The following PPIL3 variants were observed in gnomAD, a reference collection of about 807,000 sequenced individuals.
PPIL3 encodes the protein peptidyl-prolyl cis-trans isomerase-like 3.
A neutral mutation model predicts 20.9 loss-of-function variants in PPIL3; 13 were observed. That is an observed-to-expected ratio of 0.62 (90% confidence interval 0.40 to 0.99). PPIL3 has a LOEUF of 0.99. Ranked by LOEUF, PPIL3 falls within the 50% of genes least tolerant of loss-of-function variation. The pLI, the probability that PPIL3 is intolerant of heterozygous loss-of-function variation, is 0.00. For synonymous variants in PPIL3, 71 were observed against 64.4 expected, an observed-to-expected ratio of 1.10 and a Z score of -0.49; for missense variants, 170 against 195.2, an observed-to-expected ratio of 0.87 and a Z score of 0.77.
rs1368005762 is a variant in PPIL3 at position 200,871,484 on chromosome 2, T to C, written c.397A>G (p.Lys133Glu). 6.2e-7 allele frequency: 1 copy of C among 1,612,612 alleles called. No homozygotes were observed. The highest frequency in any genetic ancestry group is 1.7e-5 in the Admixed American group (1 of 59,974). ...TATGTCTTCTCATTTACTGGCAACT[T>C]CTCCAACTCATCTAGAGTTTCCAGA... ...DGLETLDELE[K>E]LPVNEKTYRP... The change falls in exon 7 of 7, where the codon AAG becomes GAG. Residue 133 changes from lysine to glutamate, a missense_variant. By Grantham distance (56) the Lys-to-Glu change is moderately conservative. Transcript: ENST00000392283.
intron 1 of PPIL3, chr2:200,888,355 T>TA (rs2040048233): frequency 6.6e-6 from 1 of 152,530 alleles, no homozygotes; most frequent in Non-Finnish European, 1.5e-5. Context: ...AGAACTGCTT[T>TA]AGCCCTTCAG....
Position 200,876,742 on chromosome 2 carries a change from C to T in PPIL3, c.359+177G>A, listed in dbSNP as rs534060708. On this transcript the variant is annotated intron_variant, in intron 6 of 6. Coordinates refer to ENST00000392283, the MANE Select transcript of PPIL3 (RefSeq NM_130906.3). ...TCTGCCACATTGGCCAGGCTGGTCT[C>T]GAACTCCTGACCTCAGACAATCTGC... Among the ~76,000 whole-genome samples the T allele has an allele frequency of 2.3e-4, 35 of 152,128 alleles. No homozygotes were observed. The South Asian group carries it at 6.8e-3, about 30-fold the overall frequency.
intron 1 of PPIL3, chr2:200,888,285 T>C (rs1220788783): frequency 6.6e-6 from 1 of 152,148 alleles, no homozygotes; most frequent in Non-Finnish European, 1.5e-5. Context: ...CTACGGCTAA[T>C]TTCCTCACCT....
intron 3 of PPIL3, among the ~76,000 whole-genome samples, chr2:200,882,979 A>T (rs1447913246): frequency 3.3e-5 from 5 of 151,466 alleles, no homozygotes; most frequent in African/African-American, 1.2e-4. Flanking sequence ...TCATCTCCTC[A>T]TCACATATAC....
chr2:200,888,381 A>G (rs2040049920), intron 1 of PPIL3: 1 of 149,808 alleles, frequency 6.7e-6, no homozygotes, highest in Non-Finnish European at 1.5e-5. Context: ...GGACATTCCT[A>G]TTTCCTTCTC....
chr2:200,878,852 T>G (rs910600209), intron 5 of PPIL3, among the ~76,000 whole-genome samples: 1 of 152,198 alleles, frequency 6.6e-6, no homozygotes. Flanking sequence ...TTATTACTAT[T>G]TTTTTACTAC....
intron 5 of PPIL3, among the ~76,000 whole-genome samples, chr2:200,877,344 G>C (rs1335388112): frequency 6.6e-6 from 1 of 152,138 alleles, no homozygotes; most frequent in Non-Finnish European, 1.5e-5. Context: ...TAATCCAAAT[G>C]TTCAGTTTCT....
intron 5 of PPIL3, 67 bp downstream of exon 5, chr2:200,881,354 C>CA: frequency 8.4e-7 from 1 of 1,190,194 alleles, no homozygotes; most frequent in Non-Finnish European, 1.2e-6. Flanking sequence ...CACTATGACA[C>CA]ATGTATCAAA....
intron 3 of PPIL3, among the ~76,000 whole-genome samples, chr2:200,883,775 C>T (rs1325214096): frequency 2.6e-5 from 4 of 152,106 alleles, no homozygotes; most frequent in African/African-American, 7.2e-5. Flanking sequence ...TTTCTTGTTT[C>T]GTTTTGAGAC....
intron 1 of PPIL3, 143 bp from the exon 2 acceptor site, chr2:200,887,828 G>T (rs1298597209): frequency 2.7e-6 from 1 of 371,754 alleles, no homozygotes; most frequent in South Asian, 6.8e-5. Flanking sequence ...AGGCCGAGGC[G>T]GGTGGATCAC....
intron 4 of PPIL3, 121 bp from the exon 5 acceptor site, chr2:200,881,609 G>T: frequency 1.3e-6 from 1 of 741,840 alleles, no homozygotes; most frequent in Non-Finnish European, 2.1e-6. Context: ...AATTTGATAT[G>T]GCCTTTCCTA....
chr2:200,880,760 C>T (rs2039695291), intron 5 of PPIL3, among the ~76,000 whole-genome samples: 1 of 151,022 alleles, frequency 6.6e-6, no homozygotes, highest in Non-Finnish European at 1.5e-5. Context: ...CATAATAAGT[C>T]ATCAACTGAA....
chr2:200,884,184 C>A (rs2039844709), intron 3 of PPIL3, among the ~76,000 whole-genome samples: 1 of 148,992 alleles, frequency 6.7e-6, no homozygotes, highest in Non-Finnish European at 1.5e-5. Context: ...GGGTGGATCA[C>A]CTGAGGTCAG....
chr2:200,874,429 C>T (rs987231266), intron 6 of PPIL3, among the ~76,000 whole-genome samples: 2 of 152,022 alleles, frequency 1.3e-5, no homozygotes, highest in Admixed American at 1.3e-4. Context: ...GCAGGTAGAA[C>T]TGAGGCAGTT....
At position 200,877,114 on chromosome 2, in the gene PPIL3, C is replaced by T; in HGVS notation, c.241-77G>A. 3.1e-6 allele frequency: 3 copies of T among 974,800 alleles called. 1 individual carries two copies. The South Asian group carries it at 4.1e-5, about 13-fold the overall frequency. The allele number at this position is 974,800 out of a possible 1,614,324, so 60.4% of individuals were successfully genotyped here. Reference sequence around the variant, plus strand: ...ATATAGTATTGAAACAAGACAGGCACACCTTTGTTTTCTTTTTTAAAAATA... The same window carrying T: ...ATATAGTATTGAAACAAGACAGGCATACCTTTGTTTTCTTTTTTAAAAATA... On this transcript the variant is annotated intron_variant, in intron 5 of 6. Coordinates refer to ENST00000392283, the MANE Select transcript of PPIL3 (RefSeq NM_130906.3).
At chr2:200,879,852 C>T (rs905644900) in intron 5 of PPIL3, among the ~76,000 whole-genome samples, 3 of 152,140 alleles carry the variant, frequency 2.0e-5, no homozygotes, top group Non-Finnish European at 4.4e-5. Context: ...CAAAGTTCCA[C>T]AGGTGATTCT....
chr2:200,881,193 A>T (rs1193151757), intron 5 of PPIL3, among the ~76,000 whole-genome samples: 2 of 152,162 alleles, frequency 1.3e-5, no homozygotes, highest in African/African-American at 4.8e-5. Context: ...TCAAAGATGA[A>T]CTCACTTACT....
chr2:200,885,747 C>A lies in PPIL3; in HGVS notation c.29G>T (p.Gly10Val), dbSNP rs537475967. Reference sequence around the variant, plus strand: ...ACAGAAGACTTCAATTTTAATATCACCTACATCTGTATGCAGTGTCACAGA... The same window carrying A: ...ACAGAAGACTTCAATTTTAATATCAACTACATCTGTATGCAGTGTCACAGA... MSVTLHTDV[G>V]DIKIEVFCER... Residue 10 changes from glycine to valine, a missense_variant, in exon 3 of 7, where the codon GGT becomes GTT. Gly to Val is a moderately radical substitution (Grantham distance 109). Coordinates refer to ENST00000392283, the MANE Select transcript of PPIL3 (RefSeq NM_130906.3). The A allele has an allele frequency of 6.3e-7, 1 of 1,593,652 alleles. No homozygotes were observed. The highest frequency in any genetic ancestry group is 1.1e-5 in the South Asian group (1 of 89,862).
At chr2:200,887,263 G>C (rs2039967878) in intron 2 of PPIL3, among the ~76,000 whole-genome samples, 1 of 150,794 alleles carries the variant, frequency 6.6e-6, no homozygotes, top group South Asian at 2.1e-4. Context: ...GCAGGCGCGT[G>C]TAATCTCAGC....
Sources: gnomAD v4.1 joint callset for allele counts (sites outside exome capture counted in the v4.1 genomes callset) on GRCh38, gnomAD v4.1.1 for gene constraint, MANE v1.5 for transcripts, NCBI Gene and HGNC (gene_info 2026-07-23, HGNC 2026-07-21) for gene names.